RPS6KA5: variants seen among roughly 807,000 people sequenced by gnomAD.
RPS6KA5 encodes ribosomal protein S6 kinase A5.
In RPS6KA5, 27 loss-of-function variants were observed where a neutral mutation model predicts 85.5. That is an observed-to-expected ratio of 0.32 (90% CI 0.23 to 0.44). RPS6KA5 has a LOEUF of 0.44. RPS6KA5 is among the 20% of genes least tolerant of loss of function. The pLI is 1.00. For synonymous variants in RPS6KA5, 334 were observed against 348.2 expected (o/e 0.96, Z 0.46); for missense variants, 811 against 980.9 (o/e 0.83, Z 2.31).
At chr14:91,035,906 T>C (rs1157414134) in intron 1 of RPS6KA5, among the ~76,000 whole-genome samples, 13 of 58,912 alleles carry the variant, frequency 2.2e-4, no homozygotes, top group African/African-American at 9.3e-4. Context: ...AATATGGTAA[T>C]ACAACACTCC....
At chr14:90,914,471 T>C (rs2036006635) in intron 7 of RPS6KA5, among the ~76,000 whole-genome samples, 1 of 151,896 alleles carries the variant, frequency 6.6e-6, no homozygotes, top group South Asian at 2.1e-4. Flanking sequence ...CCCATCACCA[T>C]GCCCAGCTAA....
intron 1 of RPS6KA5, among the ~76,000 whole-genome samples, chr14:91,045,840 C>T (rs2042849905): frequency 6.6e-6 from 1 of 152,104 alleles, no homozygotes; most frequent in South Asian, 2.1e-4. Flanking sequence ...ATGAAATGGC[C>T]CTGGCTCCCT....
At chr14:90,896,415 T>G (rs1425939928) in intron 12 of RPS6KA5, among the ~76,000 whole-genome samples, 1 of 152,244 alleles carries the variant, frequency 6.6e-6, no homozygotes, top group Non-Finnish European at 1.5e-5. Context: ...AGAGCTTGAA[T>G]GATGGCCCTC....
chr14:91,038,303 C>A (rs1672808320), intron 1 of RPS6KA5, among the ~76,000 whole-genome samples: 2 of 152,176 alleles, frequency 1.3e-5, no homozygotes, highest in South Asian at 4.1e-4. Context: ...ATGAATTATA[C>A]AATAAGAGAC....
intron 1 of RPS6KA5, among the ~76,000 whole-genome samples, chr14:91,019,195 A>C (rs2041634790): frequency 6.6e-6 from 1 of 152,118 alleles, no homozygotes; most frequent in Non-Finnish European, 1.5e-5. Flanking sequence ...TTTATGTGTC[A>C]ATTTGACTGG....
At chr14:90,944,456 A>T (rs2037760907) in intron 4 of RPS6KA5, among the ~76,000 whole-genome samples, 1 of 151,546 alleles carries the variant, frequency 6.6e-6, no homozygotes, top group Non-Finnish European at 1.5e-5. Context: ...CTCTACAAAA[A>T]ATTTTAAAAA....
At chr14:90,908,739 T>C (rs2035645855) in intron 7 of RPS6KA5, among the ~76,000 whole-genome samples, 1 of 152,210 alleles carries the variant, frequency 6.6e-6, no homozygotes. Context: ...TGGGTTAAGA[T>C]AACTGGCGTG....
At chr14:90,999,696 ATGCGGG>A (rs1333841967) in intron 2 of RPS6KA5, among the ~76,000 whole-genome samples, 1 of 152,218 alleles carries the variant, frequency 6.6e-6, no homozygotes, top group Non-Finnish European at 1.5e-5. Flanking sequence ...TAAAATGAAA[ATGCGGG>A]TGCCTTGTTC....
At chr14:91,049,758 C>T (rs2042998659) in intron 1 of RPS6KA5, among the ~76,000 whole-genome samples, 1 of 152,166 alleles carries the variant, frequency 6.6e-6, no homozygotes, top group Non-Finnish European at 1.5e-5. Context: ...GCACAAACAC[C>T]ATAGAGTTTA....
At chr14:91,012,315 G>C (rs1595469392) in intron 1 of RPS6KA5, among the ~76,000 whole-genome samples, 1 of 152,106 alleles carries the variant, frequency 6.6e-6, no homozygotes, top group East Asian at 1.9e-4. Flanking sequence ...GTATGAATAA[G>C]ATCATGACAC....
intron 1 of RPS6KA5, among the ~76,000 whole-genome samples, chr14:91,035,726 T>C (rs1334927566): frequency 6.6e-6 from 1 of 151,800 alleles, no homozygotes; most frequent in Admixed American, 6.6e-5. Context: ...GGCTATGGAA[T>C]GTTTTAAGTA....
intron 6 of RPS6KA5, 108 bp from the exon 7 acceptor site, chr14:90,920,417 T>G (rs1176105841): frequency 2.7e-6 from 2 of 752,052 alleles, no homozygotes; most frequent in East Asian, 5.5e-5. Context: ...TAAAAAATGA[T>G]TTTGTACACC....
intron 1 of RPS6KA5, among the ~76,000 whole-genome samples, chr14:91,032,549 C>T (rs2042225979): frequency 6.6e-6 from 1 of 152,146 alleles, no homozygotes; most frequent in Non-Finnish European, 1.5e-5. Context: ...CTATGCACTA[C>T]AGCCAAAATG....
chr14:90,930,798 T>C (rs1178312826), intron 5 of RPS6KA5, among the ~76,000 whole-genome samples: 1 of 152,194 alleles, frequency 6.6e-6, no homozygotes, highest in Non-Finnish European at 1.5e-5. Flanking sequence ...ACATCACTAA[T>C]GATTAGAGAT....
At chr14:90,969,085 A>G (rs182858014) in intron 3 of RPS6KA5, among the ~76,000 whole-genome samples, 301 of 152,280 alleles carry the variant, frequency 2.0e-3, no homozygotes, top group Admixed American at 2.7e-3. Context: ...TTGTATGTAT[A>G]TGGAAAGGCA....
intron 3 of RPS6KA5, among the ~76,000 whole-genome samples, chr14:90,951,194 T>C (rs2038163835): frequency 6.7e-6 from 1 of 149,134 alleles, no homozygotes; most frequent in African/African-American, 2.5e-5. Context: ...AATATAAACT[T>C]GTAGGAAGGC....
intron 3 of RPS6KA5, among the ~76,000 whole-genome samples, chr14:90,956,426 T>TA (rs1243519552): frequency 6.6e-6 from 1 of 152,182 alleles, no homozygotes; most frequent in Non-Finnish European, 1.5e-5. Context: ...TTTGATAGTG[T>TA]ATCTTTTGTA....
At chr14:90,972,931 T>C (rs1471266957) in intron 3 of RPS6KA5, among the ~76,000 whole-genome samples, 2 of 152,138 alleles carry the variant, frequency 1.3e-5, no homozygotes, top group Non-Finnish European at 2.9e-5. Flanking sequence ...AAAAAATACA[T>C]ATGGCTTTTT....
intron 14 of RPS6KA5, among the ~76,000 whole-genome samples, chr14:90,887,906 C>T (rs2034324192): frequency 7.3e-6 from 1 of 137,540 alleles, no homozygotes; most frequent in Non-Finnish European, 1.5e-5. Flanking sequence ...TATGATGGTG[C>T]CACTGCACTC....
Sources: allele counts gnomAD v4.1 joint callset (sites outside exome capture counted in the v4.1 genomes callset), GRCh38; gene constraint gnomAD v4.1.1; transcripts MANE v1.5; gene names NCBI Gene and HGNC (gene_info 2026-07-23, HGNC 2026-07-21).